TMTC1: variants seen among roughly 807,000 people sequenced by gnomAD.
TMTC1 encodes the protein protein O-mannosyl-transferase TMTC1.
In TMTC1, 73 loss-of-function variants were observed where a neutral mutation model predicts 104.8. The observed-to-expected ratio is 0.70, with a 90% CI of 0.58 to 0.85. TMTC1 has a LOEUF of 0.85. Among genes scored for constraint, TMTC1 ranks in the 40% least tolerant of loss-of-function variants. The probability of loss-of-function intolerance (pLI) is 0.00; values close to 1 mark genes in which losing one functional copy is unlikely to be tolerated. For synonymous variants in TMTC1, 434 were observed against 428.7 expected (o/e 1.01, Z -0.15); for missense variants, 1,035 against 1,096.1 (o/e 0.94, Z 0.79).
At chr12:29,665,042 A>G (rs1336877367) in intron 5 of TMTC1, among the ~76,000 whole-genome samples, 1 of 152,188 alleles carries the variant, frequency 6.6e-6, no homozygotes. Flanking sequence ...TGTTAGACCA[A>G]ATGGTCTCAG....
rs1424636930 is a variant in TMTC1 at position 29,633,268 on chromosome 12, T to C, written c.1007A>G (p.Tyr336Cys). ...WLLLAPVTLC[Y>C]DWQVGSIPLV... ...AGGAATACTGCCGACCTGCCAGTCA[T>C]AGCACAGGGTCACGGGTGCAAGCAG... Residue 336 changes from tyrosine (Y) to cysteine (C), a missense_variant, in exon 6 of 18, where the codon TAT (tyrosine) becomes TGT (cysteine). Transcript: ENST00000539277. 1 of 1,613,920 alleles carries C rather than the reference T, an allele frequency of 6.2e-7. No individual in the cohort carries two copies. Among genetic ancestry groups the C allele is most frequent in the Non-Finnish European group, 8.5e-7 (1 of 1,179,970 alleles).
At chr12:29,587,571 A>T (rs1946173049) in intron 7 of TMTC1, among the ~76,000 whole-genome samples, 1 of 152,078 alleles carries the variant, frequency 6.6e-6, no homozygotes, top group African/African-American at 2.4e-5. Flanking sequence ...TGGGCTAAAG[A>T]TCCACCTGCC....
rs1278094383 is a variant in TMTC1, at chr12:29,502,009, A to G, written c.*4837T>C. The G allele has an allele frequency of 6.6e-6, 1 of 151,528 alleles. No individual in the cohort carries two copies. Among genetic ancestry groups the G allele is most frequent in the Non-Finnish European group, 1.5e-5 (1 of 67,922 alleles). The allele number at this position is 151,528 out of a possible 1,614,324, so 9.4% of individuals were successfully genotyped here. ...AGCATATTTTCCTTTTGCATCAAAA[A>G]CGTCAAGAATAATCATAAAATCTTA... On this transcript the variant is annotated 3_prime_UTR_variant, in exon 18 of 18. Coordinates refer to ENST00000539277, the MANE Select transcript of TMTC1 (RefSeq NM_001193451.2).
chr12:29,601,703 GC>G (rs1565701053), intron 7 of TMTC1, among the ~76,000 whole-genome samples: 3 of 152,008 alleles, frequency 2.0e-5, no homozygotes, highest in Non-Finnish European at 4.4e-5. Context: ...ACCTCTCAGA[GC>G]CCAGGTTTTA....
chr12:29,701,490 T>G (rs1394113476), intron 5 of TMTC1, among the ~76,000 whole-genome samples: 1 of 152,186 alleles, frequency 6.6e-6, no homozygotes, highest in Non-Finnish European at 1.5e-5. Context: ...TGCACTGCAG[T>G]CTGAGACTCT....
intron 9 of TMTC1, among the ~76,000 whole-genome samples, chr12:29,561,887 G>A (rs1945387339): frequency 6.6e-6 from 1 of 152,112 alleles, no homozygotes; most frequent in Non-Finnish European, 1.5e-5. Flanking sequence ...CCATGCTAAG[G>A]TCAGATGTTT....
intron 5 of TMTC1, among the ~76,000 whole-genome samples, chr12:29,661,590 T>C (rs1257429166): frequency 3.8e-5 from 2 of 52,196 alleles, no homozygotes; most frequent in Non-Finnish European, 8.5e-5. Context: ...TTAGTATTTT[T>C]GTATTTTTAG....
At chr12:29,598,256 T>A (rs568766501) in intron 7 of TMTC1, among the ~76,000 whole-genome samples, 5 of 152,228 alleles carry the variant, frequency 3.3e-5, no homozygotes, top group African/African-American at 1.2e-4. Context: ...CAAAGAAGCA[T>A]ACAAATACAC....
chr12:29,706,131 G>A (rs1010709061), intron 5 of TMTC1, among the ~76,000 whole-genome samples: 19 of 152,208 alleles, frequency 1.2e-4, no homozygotes, highest in African/African-American at 3.6e-4. Context: ...AGGGATGCAC[G>A]GAATTTTACC....
chr12:29,679,476 A>C (rs2136708623), intron 5 of TMTC1, among the ~76,000 whole-genome samples: 1 of 152,312 alleles, frequency 6.6e-6, no homozygotes, highest in East Asian at 1.9e-4. Context: ...AGATATAAGA[A>C]CTAAAGATCA....
chr12:29,516,302 T>C (rs777563687), intron 15 of TMTC1, 47 bp downstream of exon 15: 4 of 1,580,866 alleles, frequency 2.5e-6, no homozygotes, highest in Non-Finnish European at 3.5e-6. Flanking sequence ...GTGCACCCCA[T>C]GTTTAACCTA....
At chr12:29,767,811 T>G (rs967242996) in intron 2 of TMTC1, 87 bp downstream of exon 2, 19 of 1,183,110 alleles carry the variant, frequency 1.6e-5, no homozygotes, top group African/African-American at 1.3e-4. Context: ...CATATTTACA[T>G]GTATATATAT....
intron 4 of TMTC1, among the ~76,000 whole-genome samples, chr12:29,754,921 A>G (rs1430801910): frequency 6.6e-6 from 1 of 152,204 alleles, no homozygotes; most frequent in Non-Finnish European, 1.5e-5. Context: ...TTGTTTTTTC[A>G]GATAAAATTC....
chr12:29,718,931 T>C (rs1355866674), intron 5 of TMTC1, among the ~76,000 whole-genome samples: 1 of 48,232 alleles, frequency 2.1e-5, no homozygotes, highest in Non-Finnish European at 4.1e-5. Context: ...AGACTCCATC[T>C]CAAAAAAAAA....
intron 5 of TMTC1, chr12:29,661,034 G>C: frequency 2.7e-6 from 1 of 372,298 alleles, no homozygotes; most frequent in Non-Finnish European, 4.4e-6. Context: ...CTGGGTTTCC[G>C]TTCCCAGTTC....
At position 29,667,901 on chromosome 12, in the gene TMTC1, T is replaced by C. The variant is rs112208756; in HGVS notation, c.939-34565A>G. ...TACCATTTTTATTTCATACTAGCCC[T>C]GTGAGTCCATACTTGTCCCTGTCTT... On this transcript the variant is annotated intron_variant, in intron 5 of 17. Coordinates refer to ENST00000539277, the MANE Select transcript of TMTC1 (RefSeq NM_001193451.2). Among the ~76,000 whole-genome samples the C allele has an allele frequency of 5.1e-3, 781 of 152,304 alleles. 5 individuals are homozygous for C. The highest frequency in any genetic ancestry group is 0.018 in the African/African-American group (752 of 41,562).
chr12:29,651,498 G>A (rs1433908443), intron 5 of TMTC1, among the ~76,000 whole-genome samples: 1 of 152,074 alleles, frequency 6.6e-6, no homozygotes, highest in Non-Finnish European at 1.5e-5. Flanking sequence ...AATATAAGAA[G>A]TTAGGGCCCC....
At chr12:29,780,347 C>A (rs901664484) in intron 1 of TMTC1, among the ~76,000 whole-genome samples, 6 of 152,146 alleles carry the variant, frequency 3.9e-5, no homozygotes, top group Non-Finnish European at 8.8e-5. Context: ...CATGCAACAG[C>A]CTGAATGAAG....
intron 8 of TMTC1, 127 bp downstream of exon 8, chr12:29,583,280 A>T: frequency 2.4e-6 from 2 of 845,280 alleles, no homozygotes; most frequent in Non-Finnish European, 3.4e-6. Flanking sequence ...TCTTCCATTT[A>T]AAACTTTATT....
Sources: gnomAD v4.1 joint callset for allele counts (sites outside exome capture counted in the v4.1 genomes callset) on GRCh38, gnomAD v4.1.1 for gene constraint, MANE v1.5 for transcripts, NCBI Gene and HGNC (gene_info 2026-07-23, HGNC 2026-07-21) for gene names.